Variants in CACNA1A observed in about 807,000 individuals in gnomAD.
CACNA1A encodes calcium voltage-gated channel subunit alpha1 A.
A neutral mutation model predicts 262.4 loss-of-function variants in CACNA1A; 57 were observed. That is an observed-to-expected ratio of 0.22 (90% CI 0.18 to 0.27). The LOEUF is 0.27. Ranked by LOEUF, CACNA1A falls within the 10% of genes least tolerant of loss-of-function variation. The pLI, the probability that CACNA1A is intolerant of heterozygous loss-of-function variation, is 1.00. For synonymous variants in CACNA1A, 1,431 were observed against 1,419.3 expected (o/e 1.01, Z -0.18); for missense variants, 2,526 against 3,562.8 (o/e 0.71, Z 7.41).
At chr19:13,235,324 C>T in intron 32 of CACNA1A, 50 bp from the exon 33 acceptor site, 1 of 1,484,724 alleles carries the variant, frequency 6.7e-7, no homozygotes, top group South Asian at 1.2e-5. Flanking sequence ...CCCTCAGCCG[C>T]ACTGTCTTCC....
intron 1 of CACNA1A, among the ~76,000 whole-genome samples, chr19:13,498,331 A>G (rs1357647414): frequency 6.6e-6 from 1 of 152,164 alleles, no homozygotes; most frequent in East Asian, 1.9e-4. Context: ...AAAATACTTT[A>G]AAAATCAGTT....
chr19:13,298,529 G>A lies in CACNA1A; in HGVS notation c.3089+15C>T, dbSNP rs1225333547. 1 of 1,536,654 alleles carries A rather than the reference G, an allele frequency of 6.5e-7. No individual in the cohort carries two copies. Among genetic ancestry groups the A allele is most frequent in the Non-Finnish European group, 8.8e-7 (1 of 1,138,594 alleles). On this transcript the variant is annotated intron_variant, in intron 19 of 46. Coordinates refer to ENST00000360228, the MANE Select transcript of CACNA1A (RefSeq NM_001127222.2). ...GTTACCGTCATTCTGCGGATTCGAG[G>A]TCACCTCCACTTACTTCCTCCTCCG...
chr19:13,408,740 T>C (rs905255901), intron 3 of CACNA1A, among the ~76,000 whole-genome samples: 5 of 152,182 alleles, frequency 3.3e-5, no homozygotes, highest in African/African-American at 1.2e-4. Flanking sequence ...TTGAGAATAC[T>C]GTTGGTCCCA....
chr19:13,455,621 A>G (rs781614500), intron 1 of CACNA1A, among the ~76,000 whole-genome samples: 19 of 152,190 alleles, frequency 1.2e-4, no homozygotes, highest in Non-Finnish European at 2.2e-4. Context: ...CACTGCATAT[A>G]CCATGTTATA....
At position 13,252,968 on chromosome 19, in the gene CACNA1A, T is replaced by C. The variant is rs16034; in HGVS notation, c.4866+23A>G. 1.5e-5 allele frequency: 23 copies of C among 1,498,394 alleles called. No homozygotes were observed. In the East Asian group the frequency reaches 4.5e-4, roughly 29 times the overall value. 92.8% of individuals were successfully genotyped at this position (1,498,394 alleles called of 1,614,324 possible). Reference sequence around the variant, plus strand: ...CTTGGGCTTCTCCCAAGCCCATAGCTGTAGCCCCAAGGTGGTACTTACCAG... The same window carrying C: ...CTTGGGCTTCTCCCAAGCCCATAGCCGTAGCCCCAAGGTGGTACTTACCAG... On this transcript the variant is annotated intron_variant, in intron 30 of 46. Transcript: ENST00000360228.
intron 19 of CACNA1A, among the ~76,000 whole-genome samples, chr19:13,295,666 A>C (rs1047297041): frequency 8.6e-5 from 13 of 150,576 alleles, no homozygotes; most frequent in Non-Finnish European, 1.8e-4. Flanking sequence ...TAATTAAAAA[A>C]CTTCTTTTGT....
chr19:13,361,865 G>A (rs1020208414), intron 5 of CACNA1A, among the ~76,000 whole-genome samples: 12 of 152,250 alleles, frequency 7.9e-5, no homozygotes, highest in African/African-American at 2.4e-4. Context: ...GAGAACTATC[G>A]TTTAGCATGG....
intron 30 of CACNA1A, among the ~76,000 whole-genome samples, chr19:13,247,875 G>T (rs2056291933): frequency 6.6e-6 from 1 of 152,086 alleles, no homozygotes; most frequent in Non-Finnish European, 1.5e-5. Flanking sequence ...AAGTGTTAGG[G>T]AATTAATAGC....
chr19:13,347,066 T>G (rs1196257057), intron 6 of CACNA1A, among the ~76,000 whole-genome samples: 1 of 79,040 alleles, frequency 1.3e-5, no homozygotes, highest in African/African-American at 3.9e-5. Flanking sequence ...TTTGTTTTTT[T>G]GTTTTTTTTT....
chr19:13,390,782 T>C (rs1480569012), intron 3 of CACNA1A, among the ~76,000 whole-genome samples: 1 of 152,188 alleles, frequency 6.6e-6, no homozygotes, highest in Non-Finnish European at 1.5e-5. Flanking sequence ...CTCCATTTTA[T>C]TGACGAGGAA....
chr19:13,269,659 A>G (rs2056964869), intron 24 of CACNA1A, among the ~76,000 whole-genome samples: 1 of 152,182 alleles, frequency 6.6e-6, no homozygotes, highest in Non-Finnish European at 1.5e-5. Context: ...CTGCTGAGAA[A>G]TGTCAGTTGG....
intron 1 of CACNA1A, among the ~76,000 whole-genome samples, chr19:13,499,440 CA>C (rs1238414522): frequency 0.035 from 1,092 of 31,020 alleles, 9 homozygotes; most frequent in Middle Eastern, 0.085. Context: ...TGACCAGTCG[CA>C]GGGGGTGGTG....
intron 40 of CACNA1A, among the ~76,000 whole-genome samples, chr19:13,213,323 T>C (rs2054886505): frequency 1.3e-5 from 2 of 152,148 alleles, no homozygotes; most frequent in South Asian, 4.1e-4. Context: ...TCTCCCCTTT[T>C]CCTTCAAGCC....
intron 3 of CACNA1A, among the ~76,000 whole-genome samples, chr19:13,433,419 C>T (rs1292032027): frequency 7.0e-6 from 1 of 142,584 alleles, no homozygotes; most frequent in Non-Finnish European, 1.5e-5. Context: ...CATGATCACA[C>T]CACTGCACTC....
At chr19:13,461,221 TC>T (rs2061116079) in intron 1 of CACNA1A, among the ~76,000 whole-genome samples, 2 of 152,136 alleles carry the variant, frequency 1.3e-5, no homozygotes, top group Admixed American at 6.6e-5. Context: ...ACGCCTGTAA[TC>T]TCAGCTACTT....
chr19:13,234,659 C>G, intron 34 of CACNA1A: 1 of 453,472 alleles, frequency 2.2e-6, no homozygotes, highest in Non-Finnish European at 4.0e-6. Context: ...AGGATAAGAG[C>G]ACATCTGGCC....
At chr19:13,388,165 TGA>T (rs34746109) in intron 3 of CACNA1A, among the ~76,000 whole-genome samples, 43,766 of 151,096 alleles carry the variant, frequency 0.29, 6,659 homozygotes, top group Non-Finnish European at 0.34. Flanking sequence ...ACTCCTAGGT[TGA>T]GGACTGAGTG....
At chr19:13,230,933 C>A (rs2144625733) in intron 35 of CACNA1A, among the ~76,000 whole-genome samples, 1 of 152,068 alleles carries the variant, frequency 6.6e-6, no homozygotes, top group South Asian at 2.1e-4. Flanking sequence ...GACCCCAAAT[C>A]CTCCCACATC....
At position 13,433,468 on chromosome 19, in the gene CACNA1A, A is replaced by AAAAAAAAAAAAAAAAG. The variant is rs2060556266; in HGVS notation, c.539+19392_539+19407dup. Among the ~76,000 whole-genome samples the AAAAAAAAAAAAAAAAG allele has an allele frequency of 2.1e-5, 3 of 145,804 alleles. 1 individual carries two copies. In the East Asian group the frequency reaches 6.1e-4, roughly 30 times the overall value. On this transcript the variant is annotated intron_variant, in intron 3 of 46. Transcript: ENST00000360228. Reference sequence around the variant, plus strand: ...AAAGCAAGACGCTGTCTCAAAAAAAAAAAAAAAAAAAAAAAGTCAGCTGAA... The same window carrying AAAAAAAAAAAAAAAAG: ...AAAGCAAGACGCTGTCTCAAAAAAAAAAAAAAAAAAAAAAAGAAAAAAAAAAAAAAAGTCAGCTGAA...
Sources: gnomAD v4.1 joint callset for allele counts (sites outside exome capture counted in the v4.1 genomes callset) on GRCh38, gnomAD v4.1.1 for gene constraint, MANE v1.5 for transcripts, NCBI Gene and HGNC (gene_info 2026-07-23, HGNC 2026-07-21) for gene names.